Variants in SGCZ observed in about 807,000 individuals in gnomAD.
The protein encoded by SGCZ is sarcoglycan zeta.
A neutral mutation model predicts 41.3 loss-of-function variants in SGCZ; 40 were observed. The observed-to-expected ratio is 0.97, with a 90% CI of 0.75 to 1.26. The LOEUF (loss-of-function observed/expected upper bound fraction) is 1.26. Ranked by LOEUF, SGCZ falls within the 50% of genes most tolerant of loss-of-function variation. SGCZ has a pLI of 0.00. For synonymous variants in SGCZ, 206 were observed against 137.5 expected (o/e 1.50, Z -3.49); for missense variants, 552 against 369.8 (o/e 1.49, Z -4.04).
chr8:14,120,599 AAAAAT>A (rs1802668185), intron 5 of SGCZ, among the ~76,000 whole-genome samples: 1 of 152,118 alleles, frequency 6.6e-6, no homozygotes, highest in African/African-American at 2.4e-5. Context: ...GTTTTGAGGA[AAAAAT>A]AAAACTAACA....
intron 2 of SGCZ, among the ~76,000 whole-genome samples, chr8:14,380,634 G>A (rs896416404): frequency 2.0e-5 from 3 of 152,068 alleles, no homozygotes; most frequent in African/African-American, 4.8e-5. Context: ...CAGGCACATC[G>A]TCAGGTCAAC....
At chr8:14,607,150 A>G (rs891113476) in intron 1 of SGCZ, among the ~76,000 whole-genome samples, 1 of 152,136 alleles carries the variant, frequency 6.6e-6, no homozygotes, top group African/African-American at 2.4e-5. Context: ...TTGTGAACTT[A>G]CTCTGAAGAT....
chr8:14,848,905 A>AG (rs1803225976), intron 1 of SGCZ, among the ~76,000 whole-genome samples: 1 of 152,178 alleles, frequency 6.6e-6, no homozygotes, highest in African/African-American at 2.4e-5. Flanking sequence ...TGCAAAGACA[A>AG]GCTACAAGCT....
At chr8:14,631,674 G>A (rs148976960) in intron 1 of SGCZ, among the ~76,000 whole-genome samples, 2 of 152,132 alleles carry the variant, frequency 1.3e-5, no homozygotes, top group South Asian at 2.1e-4. Context: ...AGATAAAAAC[G>A]TAACACTGAC....
intron 1 of SGCZ, among the ~76,000 whole-genome samples, chr8:15,133,830 C>T (rs1345761382): frequency 3.3e-5 from 5 of 152,032 alleles, no homozygotes; most frequent in Non-Finnish European, 7.4e-5. Flanking sequence ...TTCTTAATTT[C>T]AGATTTGTGA....
chr8:15,008,548 GGAGT>G (rs1376409488), intron 1 of SGCZ, among the ~76,000 whole-genome samples: 2 of 64,762 alleles, frequency 3.1e-5, no homozygotes, highest in Non-Finnish European at 6.6e-5. Flanking sequence ...AGGAAGGGAG[GGAGT>G]GAGGGAGGGA....
At chr8:14,311,637 G>C (rs759394649) in intron 3 of SGCZ, among the ~76,000 whole-genome samples, 7 of 152,146 alleles carry the variant, frequency 4.6e-5, no homozygotes, top group Non-Finnish European at 1.0e-4. Context: ...TGTGAAACAA[G>C]AATAAAACAT....
At chr8:14,505,375 T>A (rs900234430) in intron 2 of SGCZ, among the ~76,000 whole-genome samples, 6 of 152,054 alleles carry the variant, frequency 3.9e-5, no homozygotes, top group Admixed American at 1.3e-4. Context: ...TGCTTCCCAT[T>A]TTATAAGGCT....
intron 7 of SGCZ, among the ~76,000 whole-genome samples, chr8:14,102,076 T>TTATATA (rs55667194): frequency 0.01 from 1,200 of 119,790 alleles, 24 homozygotes; most frequent in African/African-American, 0.039. Context: ...TTGGCTAACT[T>TTATATA]TATATATATA....
At chr8:14,793,566 G>A (rs1426847129) in intron 1 of SGCZ, among the ~76,000 whole-genome samples, 1 of 152,130 alleles carries the variant, frequency 6.6e-6, no homozygotes, top group African/African-American at 2.4e-5. Flanking sequence ...TTCCTTAACT[G>A]GCAGTAGGGA....
At chr8:15,139,840 A>T (rs1808256211) in intron 1 of SGCZ, among the ~76,000 whole-genome samples, 1 of 152,144 alleles carries the variant, frequency 6.6e-6, no homozygotes, top group Non-Finnish European at 1.5e-5. Flanking sequence ...TAGTCTAGAA[A>T]TAATGACACG....
chr8:14,615,328 T>G (rs1368675312), intron 1 of SGCZ, among the ~76,000 whole-genome samples: 3 of 152,132 alleles, frequency 2.0e-5, no homozygotes, highest in Non-Finnish European at 4.4e-5. Flanking sequence ...CAGCCCCAAA[T>G]AAGGGAGATG....
At chr8:14,783,304 A>G (rs1234724397) in intron 1 of SGCZ, among the ~76,000 whole-genome samples, 1 of 152,046 alleles carries the variant, frequency 6.6e-6, no homozygotes, top group Admixed American at 6.6e-5. Context: ...CATGGTGCTG[A>G]GTGCCTGTAA....
intron 1 of SGCZ, among the ~76,000 whole-genome samples, chr8:14,755,410 G>T (rs1799632724): frequency 7.5e-6 from 1 of 133,532 alleles, no homozygotes; most frequent in Non-Finnish European, 1.6e-5. Flanking sequence ...TCTACTAATG[G>T]GCTTTTTTAA....
At chr8:14,285,345 T>G (rs146943640) in intron 3 of SGCZ, among the ~76,000 whole-genome samples, 2 of 152,242 alleles carry the variant, frequency 1.3e-5, no homozygotes, top group East Asian at 3.9e-4. Flanking sequence ...CCTCCTTGTA[T>G]TGAAATATTG....
chr8:14,116,533 A>G (rs1009289103), intron 5 of SGCZ, among the ~76,000 whole-genome samples: 1 of 152,138 alleles, frequency 6.6e-6, no homozygotes, highest in Admixed American at 6.6e-5. Flanking sequence ...AAGCCTCATA[A>G]GCCTATCATC....
At chr8:14,750,795 C>G (rs1489515367) in intron 1 of SGCZ, among the ~76,000 whole-genome samples, 2 of 152,150 alleles carry the variant, frequency 1.3e-5, no homozygotes, top group Non-Finnish European at 2.9e-5. Context: ...TACTTCCGTA[C>G]AAAGCAAAAT....
At chr8:14,452,556 T>C (rs1800626091) in intron 2 of SGCZ, among the ~76,000 whole-genome samples, 2 of 152,050 alleles carry the variant, frequency 1.3e-5, no homozygotes, top group Admixed American at 1.3e-4. Flanking sequence ...CATATACTTT[T>C]TAAGTAGTTT....
chr8:14,246,916 A>G (rs1373542707), intron 3 of SGCZ, among the ~76,000 whole-genome samples: 1 of 151,358 alleles, frequency 6.6e-6, no homozygotes, highest in Admixed American at 6.6e-5. Context: ...TCTCAAAAAA[A>G]AAAAAAAAAA....
Sources: gnomAD v4.1 joint callset for allele counts (sites outside exome capture counted in the v4.1 genomes callset) on GRCh38, gnomAD v4.1.1 for gene constraint, MANE v1.5 for transcripts, NCBI Gene and HGNC (gene_info 2026-07-23, HGNC 2026-07-21) for gene names.